The following CYRIA variants were observed in gnomAD, a reference collection of about 807,000 sequenced individuals.
The protein encoded by CYRIA is CYFIP-related Rac1 interactor A.
CYRIA carries 15 observed loss-of-function variants against 43.9 expected under a neutral mutation model. That is an observed-to-expected ratio of 0.34 (90% CI 0.23 to 0.53). CYRIA has a LOEUF of 0.53. Among genes scored for constraint, CYRIA ranks in the 20% least tolerant of loss-of-function variants. CYRIA has a pLI of 0.94. For missense variants in CYRIA, 236 were observed against 394.2 expected, an observed-to-expected ratio of 0.60 and a Z score of 3.40; for synonymous variants, 117 against 136.0, an observed-to-expected ratio of 0.86 and a Z score of 0.97.
intron 10 of CYRIA, among the ~76,000 whole-genome samples, chr2:16,558,006 T>C (rs1344343943): frequency 6.6e-6 from 1 of 152,106 alleles, no homozygotes; most frequent in African/African-American, 2.4e-5. Context: ...ATGATACACT[T>C]TTATGTAAAT....
At chr2:16,609,986 T>C (rs1668535701) in intron 2 of CYRIA, among the ~76,000 whole-genome samples, 1 of 152,216 alleles carries the variant, frequency 6.6e-6, no homozygotes, top group Non-Finnish European at 1.5e-5. Flanking sequence ...TAACCCAAGA[T>C]GGTACTCAGG....
chr2:16,611,884 C>T (rs1668615683), intron 2 of CYRIA, among the ~76,000 whole-genome samples: 1 of 152,162 alleles, frequency 6.6e-6, no homozygotes, highest in Non-Finnish European at 1.5e-5. Context: ...TCCCAGTCTT[C>T]TGGTTATGTT....
In CYRIA at chr2:16,638,788, G is replaced by C. The variant is rs1052318260; in HGVS notation, c.-166-14769C>G. ...TTATATCGTGTGAGTGTGGAGTGTTGTGTGTGTAGATCTATATCTGTATCT... is the reference window on the plus strand; with the variant it reads ...TTATATCGTGTGAGTGTGGAGTGTTCTGTGTGTAGATCTATATCTGTATCT... On this transcript the variant is annotated intron_variant, in intron 1 of 11. Coordinates refer to ENST00000381323, the MANE Select transcript of CYRIA (RefSeq NM_030797.4). Among the ~76,000 whole-genome samples the C allele has an allele frequency of 2.0e-5, 3 of 152,122 alleles. No homozygotes were observed. The East Asian group carries it at 5.8e-4, about 29-fold the overall frequency.
chr2:16,599,667 T>C (rs1440166384), intron 2 of CYRIA, among the ~76,000 whole-genome samples: 2 of 149,628 alleles, frequency 1.3e-5, no homozygotes, highest in African/African-American at 2.5e-5. Context: ...GTACCTCAGA[T>C]GGAAATGCAG....
intron 2 of CYRIA, among the ~76,000 whole-genome samples, chr2:16,617,287 A>T (rs2103500725): frequency 6.6e-6 from 1 of 152,318 alleles, no homozygotes. Flanking sequence ...ACGATTCTTC[A>T]TAACTCCTCT....
At chr2:16,570,864 AC>A (rs1216198474) in intron 3 of CYRIA, among the ~76,000 whole-genome samples, 1 of 152,182 alleles carries the variant, frequency 6.6e-6, no homozygotes, top group African/African-American at 2.4e-5. Context: ...CCTTCTAAGA[AC>A]CATATTCTAA....
intron 1 of CYRIA, among the ~76,000 whole-genome samples, chr2:16,640,926 C>T (rs1197826648): frequency 1.3e-5 from 2 of 151,904 alleles, no homozygotes; most frequent in African/African-American, 4.8e-5. Flanking sequence ...ATGACAAGCA[C>T]AAGGGACAGC....
At chr2:16,636,504 G>A (rs1401979730) in intron 1 of CYRIA, among the ~76,000 whole-genome samples, 1 of 152,178 alleles carries the variant, frequency 6.6e-6, no homozygotes. Flanking sequence ...AGGAGCTCAT[G>A]GTCCAGGATA....
intron 1 of CYRIA, among the ~76,000 whole-genome samples, chr2:16,629,957 A>G (rs750799900): frequency 6.6e-6 from 1 of 152,182 alleles, no homozygotes; most frequent in Non-Finnish European, 1.5e-5. Flanking sequence ...CCGAGCATGG[A>G]AGAAGCCCAG....
chr2:16,635,475 C>G (rs1184480400), intron 1 of CYRIA, among the ~76,000 whole-genome samples: 1 of 152,202 alleles, frequency 6.6e-6, no homozygotes, highest in African/African-American at 2.4e-5. Context: ...ACCGGGCACA[C>G]CATAGGTGCT....
At chr2:16,628,552 T>A (rs1349816713) in intron 1 of CYRIA, among the ~76,000 whole-genome samples, 5 of 152,228 alleles carry the variant, frequency 3.3e-5, no homozygotes, top group Non-Finnish European at 7.3e-5. Context: ...CTAACCACTT[T>A]TATATACACA....
intron 1 of CYRIA, among the ~76,000 whole-genome samples, chr2:16,642,282 C>T (rs1485691932): frequency 1.3e-5 from 2 of 152,184 alleles, no homozygotes; most frequent in East Asian, 1.9e-4. Flanking sequence ...TTCCTCTTTC[C>T]TCCCAATCCT....
chr2:16,608,980 A>G (rs1668502314), intron 2 of CYRIA, among the ~76,000 whole-genome samples: 1 of 152,184 alleles, frequency 6.6e-6, no homozygotes, highest in Non-Finnish European at 1.5e-5. Flanking sequence ...TTTGCATGAC[A>G]AGGCACATGG....
intron 3 of CYRIA, among the ~76,000 whole-genome samples, chr2:16,569,320 G>C (rs1272103429): frequency 1.3e-5 from 2 of 152,138 alleles, no homozygotes; most frequent in East Asian, 3.9e-4. Context: ...TGTTTCTTTT[G>C]GCAGATTTCC....
intron 1 of CYRIA, among the ~76,000 whole-genome samples, 166 bp downstream of exon 1, chr2:16,665,614 G>T (rs1164928785): frequency 6.6e-6 from 1 of 151,658 alleles, no homozygotes; most frequent in African/African-American, 2.4e-5. Context: ...GGTGTCCTCC[G>T]CTCTCCCTCC....
At chr2:16,636,392 C>T (rs373598913) in intron 1 of CYRIA, among the ~76,000 whole-genome samples, 23 of 152,188 alleles carry the variant, frequency 1.5e-4, no homozygotes, top group African/African-American at 4.1e-4. Context: ...GGGATAATTT[C>T]GCCCTTCCTG....
intron 3 of CYRIA, among the ~76,000 whole-genome samples, chr2:16,579,953 T>G (rs573969998): frequency 1.5e-4 from 16 of 109,082 alleles, no homozygotes; most frequent in Admixed American, 1.0e-3. Flanking sequence ...TAAAAGGAAG[T>G]TTTTTTTTTT....
At chr2:16,573,452 A>G (rs1032515267) in intron 3 of CYRIA, among the ~76,000 whole-genome samples, 1 of 152,240 alleles carries the variant, frequency 6.6e-6, no homozygotes, top group Admixed American at 6.5e-5. Flanking sequence ...AAGGTATGAG[A>G]GAAAGATAAA....
chr2:16,631,406 G>A (rs1022154700), intron 1 of CYRIA, among the ~76,000 whole-genome samples: 5 of 152,230 alleles, frequency 3.3e-5, no homozygotes, highest in African/African-American at 1.2e-4. Context: ...GAGTAGATGA[G>A]TGGAAAAAGA....
Sources: allele counts gnomAD v4.1 joint callset (sites outside exome capture counted in the v4.1 genomes callset), GRCh38; gene constraint gnomAD v4.1.1; transcripts MANE v1.5; gene names NCBI Gene and HGNC (gene_info 2026-07-23, HGNC 2026-07-21).